Variants in CACUL1 observed in about 807,000 individuals in gnomAD.
CACUL1 encodes the protein CDK2 associated cullin domain 1, also known as CDK2-associated and cullin domain-containing protein 1.
Under a neutral mutation model 45.2 loss-of-function variants are expected in CACUL1, and 13 were observed. That is an observed-to-expected ratio of 0.29 (90% CI 0.19 to 0.46). CACUL1 has a LOEUF of 0.46. Among genes scored for constraint, CACUL1 ranks in the 20% least tolerant of loss-of-function variants. CACUL1 has a pLI of 1.00. For missense variants in CACUL1, 421 were observed against 471.4 expected (o/e 0.89, Z 0.99); for synonymous variants, 197 against 174.2 (o/e 1.13, Z -1.03).
intron 3 of CACUL1, among the ~76,000 whole-genome samples, chr10:118,719,478 C>T (rs1177143064): frequency 2.6e-5 from 4 of 152,116 alleles, no homozygotes; most frequent in African/African-American, 9.7e-5. Context: ...AGAAGCAACA[C>T]CCATTACACA....
intron 1 of CACUL1, among the ~76,000 whole-genome samples, chr10:118,741,066 T>C (rs1411364419): frequency 1.3e-5 from 2 of 152,108 alleles, no homozygotes; most frequent in African/African-American, 4.8e-5. Flanking sequence ...ATCACCACAT[T>C]GAAATGTGTG....
intron 6 of CACUL1, chr10:118,693,785 G>A (rs1275825700): frequency 1.8e-5 from 8 of 454,704 alleles, no homozygotes; most frequent in Admixed American, 1.2e-4. Flanking sequence ...TTGGACATAT[G>A]CAATAAAATC....
At chr10:118,702,227 T>C (rs2119579008) in intron 4 of CACUL1, among the ~76,000 whole-genome samples, 1 of 152,260 alleles carries the variant, frequency 6.6e-6, no homozygotes, top group Non-Finnish European at 1.5e-5. Flanking sequence ...CCTATAAAAC[T>C]GCCCCAGCTC....
intron 3 of CACUL1, among the ~76,000 whole-genome samples, chr10:118,726,951 C>T (rs1845657493): frequency 6.6e-6 from 1 of 152,120 alleles, no homozygotes; most frequent in South Asian, 2.1e-4. Context: ...ATAATGGTTA[C>T]AATCGTTATA....
At chr10:118,736,249 A>G (rs1845739786) in intron 1 of CACUL1, among the ~76,000 whole-genome samples, 1 of 151,932 alleles carries the variant, frequency 6.6e-6, no homozygotes, top group Admixed American at 6.6e-5. Flanking sequence ...TATCAGGATA[A>G]GAAAATATTT....
At chr10:118,717,526 C>T (rs1435531553) in intron 3 of CACUL1, among the ~76,000 whole-genome samples, 2 of 152,084 alleles carry the variant, frequency 1.3e-5, no homozygotes, top group African/African-American at 4.8e-5. Context: ...CATAATTTTT[C>T]GAGCTCATCA....
chr10:118,729,214 T>C (rs1306428487), intron 3 of CACUL1, 81 bp downstream of exon 3: 10 of 834,072 alleles, frequency 1.2e-5, no homozygotes, highest in Non-Finnish European at 2.0e-5. Flanking sequence ...TTAACAAGCT[T>C]CCAAATGTGT....
intron 4 of CACUL1, among the ~76,000 whole-genome samples, chr10:118,706,683 T>G (rs774547533): frequency 3.3e-5 from 5 of 152,240 alleles, no homozygotes; most frequent in African/African-American, 4.8e-5. Flanking sequence ...GGCATTACAT[T>G]GACTAGAAAA....
In CACUL1 at chr10:118,681,923, G is replaced by C. The variant is rs1439670785; in HGVS notation, c.*4205C>G. On this transcript the variant is annotated 3_prime_UTR_variant, in exon 9 of 9. Coordinates refer to ENST00000369151, the MANE Select transcript of CACUL1 (RefSeq NM_153810.5). ...CTCATATTCTTGTGGCCAGAAACTGGGGTGAACTTCAGTGGGGTAATGAAA... is the reference window on the plus strand; with the variant it reads ...CTCATATTCTTGTGGCCAGAAACTGCGGTGAACTTCAGTGGGGTAATGAAA... 1 of 152,138 alleles carries C rather than the reference G, an allele frequency of 6.6e-6. No individual in the cohort carries two copies. The highest frequency in any genetic ancestry group is 1.5e-5 in the Non-Finnish European group (1 of 68,024). The allele number at this position is 152,138 out of a possible 1,614,324, so 9.4% of individuals were successfully genotyped here. A position where few individuals can be genotyped will look rare whatever the true frequency, so the allele number is the denominator to read the frequency against.
intron 5 of CACUL1, among the ~76,000 whole-genome samples, chr10:118,697,161 GAA>G (rs924469166): frequency 6.6e-6 from 1 of 152,198 alleles, no homozygotes; most frequent in African/African-American, 2.4e-5. Flanking sequence ...ACTTGAGAGA[GAA>G]AAGAGTACTG....
chr10:118,754,554 G>C lies in CACUL1; in HGVS notation c.209C>G (p.Pro70Arg), dbSNP rs914435316. 3.7e-6 allele frequency: 6 copies of C among 1,612,214 alleles called. No individual in the cohort carries two copies. Among genetic ancestry groups the C allele is most frequent in the South Asian group, 3.3e-5 (3 of 90,982 alleles). The change falls in exon 1 of 9, where the codon CCC becomes CGC. Residue 70 changes from proline to arginine, a missense_variant. Physicochemically the swap from Pro to Arg is moderately radical, Grantham distance 103 (BLOSUM62 -2). Coordinates refer to ENST00000369151, the MANE Select transcript of CACUL1 (RefSeq NM_153810.5). ...CGGCCCCATCGGGAGCCCCTCCTTG[G>C]GGCCTTTCCTGTCCACGGAGACCGC... is the stretch of plus-strand genomic sequence containing the variant. ...VPAVSVDRKG[P>R]KEGLPMGPQP...
Position 118,684,887 on chromosome 10 carries a change from C to CT in CACUL1, c.*1240dup, listed in dbSNP as rs774304284. 16 of 152,316 alleles carry CT rather than the reference C, an allele frequency of 1.1e-4. 1 individual carries two copies. The Middle Eastern group carries it at 0.01, about 97-fold the overall frequency. The allele number at this position is 152,316 out of a possible 1,614,324, so 9.4% of individuals were successfully genotyped here. A position where few individuals can be genotyped will look rare whatever the true frequency, so the allele number is the denominator to read the frequency against. ...AAATTGAGAAGAAAAGTATTTTTCTCTTGCCACATCTATTTTTCTTGGGCT... is the reference window on the plus strand; with the variant it reads ...AAATTGAGAAGAAAAGTATTTTTCTCTTTGCCACATCTATTTTTCTTGGGCT... On this transcript the variant is annotated 3_prime_UTR_variant, in exon 9 of 9. Coordinates refer to ENST00000369151, the MANE Select transcript of CACUL1 (RefSeq NM_153810.5).
intron 6 of CACUL1, among the ~76,000 whole-genome samples, chr10:118,694,311 A>AC (rs2119557528): frequency 1.3e-5 from 2 of 152,384 alleles, no homozygotes; most frequent in African/African-American, 4.8e-5. Flanking sequence ...GATAGTAATA[A>AC]CAGCAGTGAA....
chr10:118,708,348 T>C (rs1845452822), intron 3 of CACUL1, among the ~76,000 whole-genome samples: 1 of 150,852 alleles, frequency 6.6e-6, no homozygotes, highest in South Asian at 2.1e-4. Context: ...ACAGAAATAT[T>C]CTGATTTCTA....
chr10:118,703,161 CAG>C (rs1052583414), intron 4 of CACUL1, among the ~76,000 whole-genome samples: 6 of 152,222 alleles, frequency 3.9e-5, no homozygotes, highest in Middle Eastern at 3.4e-3. Context: ...GGTTAAAAAA[CAG>C]AAAGCATGCA....
chr10:118,715,757 T>C (rs2119609427), intron 3 of CACUL1, among the ~76,000 whole-genome samples: 1 of 152,320 alleles, frequency 6.6e-6, no homozygotes, highest in East Asian at 1.9e-4. Flanking sequence ...TAAGAATATG[T>C]GCTTTTATCT....
chr10:118,709,820 T>C (rs1029517588), intron 3 of CACUL1, among the ~76,000 whole-genome samples: 1 of 152,202 alleles, frequency 6.6e-6, no homozygotes, highest in African/African-American at 2.4e-5. Flanking sequence ...ATGTAAAGAA[T>C]TGTCTTTATT....
chr10:118,712,364 C>G (rs1339383605), intron 3 of CACUL1, among the ~76,000 whole-genome samples: 2 of 152,252 alleles, frequency 1.3e-5, no homozygotes, highest in Admixed American at 6.5e-5. Context: ...GAGGGAGTCA[C>G]AGCCCTGGCT....
At chr10:118,727,424 C>T (rs1845662196) in intron 3 of CACUL1, among the ~76,000 whole-genome samples, 1 of 147,652 alleles carries the variant, frequency 6.8e-6, no homozygotes, top group South Asian at 2.1e-4. Flanking sequence ...AAAACACTAA[C>T]ATCAGAAGAA....
Sources: gnomAD v4.1 joint callset for allele counts (sites outside exome capture counted in the v4.1 genomes callset) on GRCh38, gnomAD v4.1.1 for gene constraint, MANE v1.5 for transcripts, NCBI Gene and HGNC (gene_info 2026-07-23, HGNC 2026-07-21) for gene names.